The following TCERG1L variants were observed in gnomAD, a reference collection of about 807,000 sequenced individuals.
TCERG1L encodes the protein transcription elongation regulator 1-like protein.
TCERG1L carries 37 observed loss-of-function variants against 56.3 expected under a neutral mutation model. The ratio of observed to expected loss-of-function variants is 0.66; its 90% CI spans 0.51 to 0.87. The LOEUF (loss-of-function observed/expected upper bound fraction) is 0.87, where lower values mean the gene tolerates loss of function less well. TCERG1L is among the 40% of genes least tolerant of loss of function. TCERG1L has a pLI of 0.00. For synonymous variants in TCERG1L, 324 were observed against 326.3 expected (o/e 0.99, Z 0.08); for missense variants, 799 against 774.2 (o/e 1.03, Z -0.38).
chr10:131,151,701 G>C (rs1448966125), intron 6 of TCERG1L, among the ~76,000 whole-genome samples: 1 of 152,210 alleles, frequency 6.6e-6, no homozygotes, highest in African/African-American at 2.4e-5. Context: ...TGCCCCAGTA[G>C]AGACTCTGTG....
At chr10:131,177,195 G>A (rs1013305843) in intron 4 of TCERG1L, among the ~76,000 whole-genome samples, 1 of 37,936 alleles carries the variant, frequency 2.6e-5, no homozygotes, top group Non-Finnish European at 6.0e-5. Flanking sequence ...CACACACAAA[G>A]ACACATGCAG....
intron 9 of TCERG1L, among the ~76,000 whole-genome samples, chr10:131,109,273 T>A (rs1352136450): frequency 6.6e-6 from 1 of 152,244 alleles, no homozygotes; most frequent in Non-Finnish European, 1.5e-5. Flanking sequence ...TGCAGAAGTT[T>A]GTGATCCACC....
intron 7 of TCERG1L, among the ~76,000 whole-genome samples, chr10:131,139,919 G>C (rs1479905740): frequency 6.6e-6 from 1 of 152,238 alleles, no homozygotes; most frequent in South Asian, 2.1e-4. Flanking sequence ...TGAGTTCAGG[G>C]AATGTGGCTG....
At chr10:131,233,071 G>A (rs908211871) in intron 4 of TCERG1L, among the ~76,000 whole-genome samples, 1 of 152,226 alleles carries the variant, frequency 6.6e-6, no homozygotes, top group Non-Finnish European at 1.5e-5. Context: ...AGGGAGAACT[G>A]TTGGTCAGAC....
rs895059948 is a variant in TCERG1L at position 131,277,185 on chromosome 10, A to C, written c.671-16741T>G. Among the ~76,000 whole-genome samples the C allele has an allele frequency of 4.6e-5, 7 of 152,090 alleles. 1 individual carries two copies. Among genetic ancestry groups the C allele is most frequent in the African/African-American group, 1.7e-4 (7 of 41,420 alleles). On this transcript the variant is annotated intron_variant, in intron 3 of 11. Transcript: ENST00000368642. The stretch of plus-strand genomic sequence containing the variant: ...ACCGGGCTTGGGAGGGCGGGGCCAC[A>C]CTCAGAACTGTCTGCTCCTCCACCC...
intron 3 of TCERG1L, among the ~76,000 whole-genome samples, chr10:131,271,731 T>C (rs571123941): frequency 6.6e-6 from 1 of 152,306 alleles, no homozygotes; most frequent in African/African-American, 2.4e-5. Context: ...AGGGAAGGCC[T>C]GGAGGCCTCC....
chr10:131,148,642 A>G (rs143302342), intron 6 of TCERG1L, among the ~76,000 whole-genome samples: 161 of 140,722 alleles, frequency 1.1e-3, no homozygotes, highest in Middle Eastern at 7.4e-3. Flanking sequence ...ACACACACGG[A>G]GAGACAGAGA....
At chr10:131,309,424 A>G (rs2133589902) in intron 1 of TCERG1L, 125 bp from the exon 2 acceptor site, 1 of 1,300,930 alleles carries the variant, frequency 7.7e-7, no homozygotes, top group South Asian at 1.5e-5. Context: ...TGATTATCAG[A>G]TAAATTTCCT....
intron 4 of TCERG1L, among the ~76,000 whole-genome samples, chr10:131,235,913 A>C (rs1420698075): frequency 6.6e-6 from 1 of 152,230 alleles, no homozygotes; most frequent in African/African-American, 2.4e-5. Context: ...ATCCCTTTAA[A>C]ACAATAGATA....
At position 131,103,837 on chromosome 10, in the gene TCERG1L, C is replaced by T. The variant is rs1274161871; in HGVS notation, c.1485+428G>A. ...CCTCCATTCTATTTGTTAGGGGTTT[C>T]TTAACATTAGTGACTTCATTTTGAT... On this transcript the variant is annotated intron_variant, in intron 10 of 11. Transcript: ENST00000368642. The surrounding 1 kb of genome is among the most constrained non-coding windows in gnomAD (Gnocchi z 4.3). Among the ~76,000 whole-genome samples the T allele has an allele frequency of 6.6e-6, 1 of 152,104 alleles. No homozygotes were observed. The highest frequency in any genetic ancestry group is 2.4e-5 in the African/African-American group (1 of 41,404).
rs1430682483 is a variant in TCERG1L, at chr10:131,260,893, G to C, written c.671-449C>G. Among the ~76,000 whole-genome samples, 1 of 152,194 alleles carries C rather than the reference G, an allele frequency of 6.6e-6. No individual in the cohort carries two copies. The highest frequency in any genetic ancestry group is 1.9e-4 in the East Asian group (1 of 5,184). ...GGAAGAAGGGGCAGCTGTGGGCCAGGGTGGAGAGAGGTTTCCAGAGGACAC... is the reference window on the plus strand; with the variant it reads ...GGAAGAAGGGGCAGCTGTGGGCCAGCGTGGAGAGAGGTTTCCAGAGGACAC... On this transcript the variant is annotated intron_variant, in intron 3 of 11. Transcript: ENST00000368642. The surrounding 1 kb of genome is among the most constrained non-coding windows in gnomAD (Gnocchi z 5.8).
At chr10:131,172,986 G>C (rs1035498557) in intron 4 of TCERG1L, among the ~76,000 whole-genome samples, 5 of 151,462 alleles carry the variant, frequency 3.3e-5, no homozygotes, top group African/African-American at 9.7e-5. Flanking sequence ...TGCCTCCTGG[G>C]TTCAATTGAT....
intron 4 of TCERG1L, among the ~76,000 whole-genome samples, chr10:131,184,912 A>T (rs1409568132): frequency 1.3e-5 from 2 of 152,192 alleles, no homozygotes; most frequent in African/African-American, 4.8e-5. Flanking sequence ...AATAAACTCT[A>T]GAAAGTCATG....
At chr10:131,114,625 T>C (rs1180159266) in intron 9 of TCERG1L, among the ~76,000 whole-genome samples, 3 of 152,044 alleles carry the variant, frequency 2.0e-5, no homozygotes, top group Admixed American at 1.3e-4. Context: ...ATCTCATTAG[T>C]AAAATCTCTC....
chr10:131,141,179 T>C lies in TCERG1L; in HGVS notation c.1189+5327A>G, dbSNP rs115758946. ...ATAATCATAATGGGGAACCTCTCCG[T>C]GGCCACTTGGAAATGCCACACCACG... is the stretch of plus-strand genomic sequence containing the variant. On this transcript the variant is annotated intron_variant, in intron 7 of 11. Coordinates refer to ENST00000368642, the MANE Select transcript of TCERG1L (RefSeq NM_174937.4). Among the ~76,000 whole-genome samples, 1,042 of 152,286 alleles carry C rather than the reference T, an allele frequency of 6.8e-3. 8 individuals are homozygous for C. Among genetic ancestry groups the C allele is most frequent in the African/African-American group, 0.024 (997 of 41,552 alleles).
chr10:131,291,596 T>C (rs1430209141), intron 3 of TCERG1L, among the ~76,000 whole-genome samples: 2 of 151,264 alleles, frequency 1.3e-5, no homozygotes, highest in African/African-American at 2.4e-5. Flanking sequence ...CCGGCTAATT[T>C]TTTGTATTTT....
intron 9 of TCERG1L, among the ~76,000 whole-genome samples, chr10:131,110,723 A>ACT (rs1845401932): frequency 6.6e-6 from 1 of 152,226 alleles, no homozygotes; most frequent in Admixed American, 6.5e-5. Flanking sequence ...CGGCTTCACC[A>ACT]AAAGCCTCTC....
intron 3 of TCERG1L, among the ~76,000 whole-genome samples, chr10:131,264,177 C>T (rs1265255623): frequency 1.3e-5 from 2 of 151,776 alleles, no homozygotes; most frequent in Middle Eastern, 3.2e-3. Flanking sequence ...TCAGCCCAGG[C>T]TGACCTTCCT....
intron 8 of TCERG1L, among the ~76,000 whole-genome samples, chr10:131,121,664 C>T (rs1845514580): frequency 6.6e-6 from 1 of 152,220 alleles, no homozygotes; most frequent in Non-Finnish European, 1.5e-5. Context: ...CACACCCGTG[C>T]TCATAATGGG....
Sources: allele counts gnomAD v4.1 joint callset (sites outside exome capture counted in the v4.1 genomes callset), GRCh38; gene constraint gnomAD v4.1.1; non-coding constraint Gnocchi (gnomAD v3.1); transcripts MANE v1.5; gene names NCBI Gene and HGNC (gene_info 2026-07-23, HGNC 2026-07-21).